Variants in DST observed in about 807,000 individuals in gnomAD.
DST encodes the protein dystonin, also known as bullous pemphigoid antigen.
DST carries 253 observed loss-of-function variants against 875.2 expected under a neutral mutation model. That is an observed-to-expected ratio of 0.29 (90% CI 0.26 to 0.32). The LOEUF is 0.32. Among genes scored for constraint, DST ranks in the 10% least tolerant of loss-of-function variants. The pLI, the probability that DST is intolerant of heterozygous loss-of-function variation, is 1.00. For missense variants in DST, 8,287 were observed against 9,111.6 expected (o/e 0.91, Z 3.68); for synonymous variants, 3,124 against 3,197.1 (o/e 0.98, Z 0.77).
At position 56,672,749 on chromosome 6, in the gene DST, C is replaced by T. The variant is rs1211218232; in HGVS notation, c.1048-1942G>A. 3.9e-5 allele frequency among the ~76,000 whole-genome samples: 6 copies of T among 151,992 alleles called. No individual in the cohort carries two copies. In the South Asian group the frequency reaches 8.3e-4, roughly 21 times the overall value. The stretch of plus-strand genomic sequence containing the variant: ...ACAGTGTAATGCCTGGCCCATAGTC[C>T]GCAAATGCATAATACAGATGAGCTA... On this transcript the variant is annotated intron_variant, in intron 9 of 103. Transcript: ENST00000680361.
At chr6:56,564,996 T>C (rs1295530203) in intron 55 of DST, among the ~76,000 whole-genome samples, 2 of 152,196 alleles carry the variant, frequency 1.3e-5, no homozygotes, top group African/African-American at 4.8e-5. Context: ...TTTGCATCGA[T>C]GTTCATCAGG....
At chr6:56,567,270 C>G (rs529968632) in intron 55 of DST, among the ~76,000 whole-genome samples, 49 of 152,068 alleles carry the variant, frequency 3.2e-4, no homozygotes, top group African/African-American at 1.2e-3. Flanking sequence ...TTTCTCAGAT[C>G]AAAAACATAA....
At chr6:56,822,578 C>T (rs1053663815) in intron 4 of DST, among the ~76,000 whole-genome samples, 3 of 152,070 alleles carry the variant, frequency 2.0e-5, no homozygotes, top group Non-Finnish European at 2.9e-5. Flanking sequence ...AAGGAGTAGG[C>T]AGAATCAAGA....
chr6:56,871,420 G>T (rs1181880803), intron 3 of DST: 9 of 1,591,102 alleles, frequency 5.7e-6, no homozygotes, highest in South Asian at 1.1e-5. Context: ...AAGCAGTGAG[G>T]CCGGACACAA....
At chr6:56,645,680 C>T (rs1456311546) in intron 15 of DST, among the ~76,000 whole-genome samples, 186 bp downstream of exon 15, 1 of 152,156 alleles carries the variant, frequency 6.6e-6, no homozygotes, top group African/African-American at 2.4e-5. Flanking sequence ...CATTTATATA[C>T]ATTACTTCAC....
At chr6:56,515,421 T>A (rs766773128) in intron 72 of DST, 29 bp downstream of exon 72, 28 of 1,607,906 alleles carry the variant, frequency 1.7e-5, no homozygotes, top group Non-Finnish European at 2.4e-5. Flanking sequence ...TAATGGGGAA[T>A]ACAATATTCT....
chr6:56,485,520 C>T, intron 87 of DST, 49 bp from the exon 88 acceptor site: 2 of 1,558,648 alleles, frequency 1.3e-6, no homozygotes, highest in Non-Finnish European at 1.8e-6. Context: ...AAACGTCACT[C>T]ATATATCTGA....
chr6:56,511,232 C>G lies in DST; in HGVS notation c.18745G>C (p.Val6249Leu). 1 of 1,590,908 alleles carries G rather than the reference C, an allele frequency of 6.3e-7. No homozygotes were observed. The highest frequency in any genetic ancestry group is 8.6e-7 in the Non-Finnish European group (1 of 1,167,258). Residue 6249 changes from valine (V) to leucine (L), a missense_variant, in exon 73 of 104, where the codon GTG becomes CTG. Coordinates refer to ENST00000680361, the MANE Select transcript of DST (RefSeq NM_001374736.1). ...TGAGAAATGGCTTCATCCAGTGCCA[C>G]AGCACGCTTTTTGACATCTTCTTTA... ...QIKEDVKKRA[V>L]ALDEAISQST...
chr6:56,930,812 G>C (rs115006234), intron 2 of DST, among the ~76,000 whole-genome samples: 1,786 of 152,258 alleles, frequency 0.012, 33 homozygotes, highest in East Asian at 0.039. Context: ...GCTGAACAAA[G>C]ACAGCAATGT....
intron 5 of DST, among the ~76,000 whole-genome samples, chr6:56,733,138 T>C (rs1302035334): frequency 6.6e-6 from 1 of 152,050 alleles, no homozygotes; most frequent in African/African-American, 2.4e-5. Context: ...AAATCAACCT[T>C]TAAAAATCTG....
chr6:56,591,247 T>C (rs1261405322), intron 49 of DST, among the ~76,000 whole-genome samples: 1 of 152,242 alleles, frequency 6.6e-6, no homozygotes, highest in African/African-American at 2.4e-5. Flanking sequence ...AGAATCGCAC[T>C]GTTATGCAGT....
rs145183397 is a variant in DST at position 56,879,379 on chromosome 6, G to C, written c.417+21042C>G. ...CCAGCTACTCAGGAGGCTGAGGCAGGAGAATGGCAGGAACCCGGGAGGTGG... is the reference window on the plus strand; with the variant it reads ...CCAGCTACTCAGGAGGCTGAGGCAGCAGAATGGCAGGAACCCGGGAGGTGG... On this transcript the variant is annotated intron_variant, in intron 3 of 103. Transcript: ENST00000680361. 9.1e-3 allele frequency among the ~76,000 whole-genome samples: 1,378 copies of C among 152,146 alleles called. 23 individuals are homozygous for C. The highest frequency in any genetic ancestry group is 0.031 in the African/African-American group (1,291 of 41,504).
At position 56,640,406 on chromosome 6, in the gene DST, A is replaced by G; in HGVS notation, c.2227T>C (p.Ser743Pro). 6.2e-7 allele frequency: 1 copy of G among 1,614,102 alleles called. No individual in the cohort carries two copies. Among genetic ancestry groups the G allele is most frequent in the East Asian group, 2.2e-5 (1 of 44,874 alleles). The change falls in exon 18 of 104, where the codon TCT becomes CCT. Residue 743 changes from serine to proline, a missense_variant. Physicochemically the swap from Ser to Pro is moderately conservative, Grantham distance 74 (BLOSUM62 -1). Around this residue, in one of 10 missense-constraint regions of DST, gnomAD observed 1,160 missense variants for 1,424.3 expected, o/e 0.81. Transcript: ENST00000680361. Reference sequence around the variant, plus strand: ...GACAGGCCAGAAGTCATACTAGAAGAGGTTAGGGAAGGTGTTAAACTCTGG... The same window carrying G: ...GACAGGCCAGAAGTCATACTAGAAGGGGTTAGGGAAGGTGTTAAACTCTGG... ...LTQSLTPSLT[S>P]SSMTSGLSSG...
intron 90 of DST, among the ~76,000 whole-genome samples, chr6:56,481,791 C>T (rs565216590): frequency 9.2e-5 from 14 of 152,304 alleles, no homozygotes; most frequent in African/African-American, 3.1e-4. Context: ...AATCAATATG[C>T]TTCCTTGAGA....
At chr6:56,709,810 A>C (rs1286114334) in intron 5 of DST, among the ~76,000 whole-genome samples, 4 of 152,210 alleles carry the variant, frequency 2.6e-5, no homozygotes. Flanking sequence ...AGCTATGAGG[A>C]GCTTAACCCA....
At chr6:56,892,391 A>C (rs1788017952) in intron 3 of DST, among the ~76,000 whole-genome samples, 1 of 144,644 alleles carries the variant, frequency 6.9e-6, no homozygotes, top group African/African-American at 2.6e-5. Context: ...CAGCATGATC[A>C]TGGCTTACTG....
At chr6:56,762,844 CTTTTT>C (rs869153143) in intron 4 of DST, among the ~76,000 whole-genome samples, 1 of 111,894 alleles carries the variant, frequency 8.9e-6, no homozygotes, top group African/African-American at 3.7e-5. Flanking sequence ...AGAACACCAC[CTTTTT>C]TTTTTTTTTT....
Position 56,692,771 on chromosome 6 carries a change from G to T in DST, c.1047+6882C>A, listed in dbSNP as rs141622576. 8.2e-4 allele frequency: 1,056 copies of T among 1,289,656 alleles called. 2 individuals are homozygous for T. In the African/African-American group the frequency reaches 0.015, roughly 18 times the overall value. The allele number at this position is 1,289,656 out of a possible 1,614,324, so 79.9% of individuals were successfully genotyped here. A position where few individuals can be genotyped will look rare whatever the true frequency, so the allele number is the denominator to read the frequency against. On this transcript the variant is annotated intron_variant, in intron 9 of 103. Transcript: ENST00000680361. ...ACTTCTGTTTCACTGTCTTTAGCAG[G>T]AGAAGTGTTCACACAGTCAGACCAA... is the stretch of plus-strand genomic sequence containing the variant.
intron 72 of DST, among the ~76,000 whole-genome samples, chr6:56,511,853 A>T (rs2096483893): frequency 6.6e-6 from 1 of 151,838 alleles, no homozygotes; most frequent in Non-Finnish European, 1.5e-5. Flanking sequence ...GAGAGACAAG[A>T]CGGGGGGAAG....
Sources: gnomAD v4.1 joint callset for allele counts (sites outside exome capture counted in the v4.1 genomes callset) on GRCh38, gnomAD v4.1.1 for gene constraint, gnomAD v4.1.1 regional missense constraint, MANE v1.5 for transcripts, NCBI Gene and HGNC (gene_info 2026-07-23, HGNC 2026-07-21) for gene names.